Variants in EYS observed in about 807,000 individuals in gnomAD.
EYS encodes the protein EGF-like photoreceptor maintenance factor.
Under a neutral mutation model 282.1 loss-of-function variants are expected in EYS, and 250 were observed. The observed-to-expected ratio is 0.89, with a 90% CI of 0.80 to 0.98. EYS has a LOEUF of 0.98. EYS is among the 50% of genes least tolerant of loss of function. EYS has a pLI of 0.00. For synonymous variants in EYS, 1,355 were observed against 1,282.9 expected (o/e 1.06, Z -1.20); for missense variants, 4,016 against 3,709.0 (o/e 1.08, Z -2.15).
chr6:64,615,052 C>G (rs2149847397), intron 24 of EYS, among the ~76,000 whole-genome samples: 1 of 152,168 alleles, frequency 6.6e-6, no homozygotes, highest in East Asian at 1.9e-4. Flanking sequence ...TAGTCTCTTC[C>G]CATCTATTCT....
chr6:63,728,368 A>G lies in EYS; in HGVS notation c.8072-1688T>C, dbSNP rs146540791. Reference sequence around the variant, plus strand: ...ATCTTTGTGAAACTGATATTAGCATATTTTGCCTATCACTTCTTTTAAATA... The same window carrying G: ...ATCTTTGTGAAACTGATATTAGCATGTTTTGCCTATCACTTCTTTTAAATA... On this transcript the variant is annotated intron_variant, in intron 41 of 42. Transcript: ENST00000503581. 1.4e-4 allele frequency among the ~76,000 whole-genome samples: 21 copies of G among 152,264 alleles called. No homozygotes were observed. The East Asian group carries it at 3.3e-3, about 24-fold the overall frequency.
At chr6:64,316,596 C>T (rs994362732) in intron 29 of EYS, among the ~76,000 whole-genome samples, 1 of 152,092 alleles carries the variant, frequency 6.6e-6, no homozygotes, top group Non-Finnish European at 1.5e-5. Context: ...ATTCCATGCT[C>T]AAGGATAGGA....
intron 29 of EYS, among the ~76,000 whole-genome samples, chr6:64,372,537 A>G (rs1370176794): frequency 6.6e-6 from 1 of 151,504 alleles, no homozygotes; most frequent in Non-Finnish European, 1.5e-5. Context: ...CTTCTTGGGG[A>G]TGGTGTAGTA....
intron 12 of EYS, among the ~76,000 whole-genome samples, chr6:65,177,308 C>T (rs1159568507): frequency 4.0e-5 from 6 of 151,682 alleles, no homozygotes; most frequent in Non-Finnish European, 5.9e-5. Context: ...AAATAATTTG[C>T]GATTATTCAT....
intron 35 of EYS, among the ~76,000 whole-genome samples, chr6:63,980,989 C>A (rs571681682): frequency 4.3e-4 from 66 of 151,976 alleles, no homozygotes; most frequent in African/African-American, 1.5e-3. Context: ...CTCAGTAGCA[C>A]AGGGTTTCTC....
chr6:64,811,421 T>A (rs1206390812), intron 22 of EYS, among the ~76,000 whole-genome samples: 18 of 146,308 alleles, frequency 1.2e-4, no homozygotes, highest in South Asian at 4.3e-4. Flanking sequence ...CTTCATGCTG[T>A]AAAAAAAAAA....
intron 18 of EYS, among the ~76,000 whole-genome samples, chr6:64,898,979 G>A (rs1280768091): frequency 6.6e-6 from 1 of 151,880 alleles, no homozygotes; most frequent in African/African-American, 2.4e-5. Flanking sequence ...GATCTACAAA[G>A]AGACTTAGAC....
chr6:63,941,195 A>G (rs9359684), intron 35 of EYS, among the ~76,000 whole-genome samples: 47,863 of 151,986 alleles, frequency 0.31, 7,613 homozygotes, highest in Admixed American at 0.39. Flanking sequence ...TTGGGTATAT[A>G]CCCAGTAATG....
intron 11 of EYS, among the ~76,000 whole-genome samples, chr6:65,297,088 G>A (rs1166204394): frequency 6.6e-6 from 1 of 151,018 alleles, no homozygotes; most frequent in Non-Finnish European, 1.5e-5. Context: ...ATAGTTATAA[G>A]TTATTAATAT....
chr6:64,332,366 G>C (rs1037354422), intron 29 of EYS, among the ~76,000 whole-genome samples: 1 of 152,154 alleles, frequency 6.6e-6, no homozygotes, highest in African/African-American at 2.4e-5. Context: ...TAAATACAAG[G>C]GTGGGTAAGG....
intron 14 of EYS, among the ~76,000 whole-genome samples, chr6:64,989,799 T>TAC (rs3033931): frequency 0.025 from 3,464 of 140,102 alleles, 39 homozygotes; most frequent in African/African-American, 0.03. Flanking sequence ...TATATATTCA[T>TAC]ACACACACAC....
intron 26 of EYS, among the ~76,000 whole-genome samples, chr6:64,566,186 T>C (rs1370994439): frequency 6.6e-6 from 1 of 152,158 alleles, no homozygotes; most frequent in African/African-American, 2.4e-5. Flanking sequence ...GATGAGATAG[T>C]GGTTTAGTTT....
chr6:64,454,691 T>C (rs1421471258), intron 26 of EYS, among the ~76,000 whole-genome samples: 3 of 152,180 alleles, frequency 2.0e-5, no homozygotes, highest in African/African-American at 7.2e-5. Context: ...GGGGTTCTAC[T>C]GGATTTTTGT....
intron 22 of EYS, among the ~76,000 whole-genome samples, chr6:64,759,654 A>T (rs1271711805): frequency 6.6e-6 from 1 of 152,186 alleles, no homozygotes; most frequent in Non-Finnish European, 1.5e-5. Context: ...ATAAAAATAT[A>T]TTTAAAATCA....
intron 1 of EYS, among the ~76,000 whole-genome samples, chr6:65,693,803 T>C (rs1452438474): frequency 6.7e-6 from 1 of 149,962 alleles, no homozygotes; most frequent in African/African-American, 2.4e-5. Flanking sequence ...TCTTGTGAAA[T>C]AATGGCTCAT....
intron 33 of EYS, among the ~76,000 whole-genome samples, chr6:64,011,584 T>C (rs1211029276): frequency 6.7e-6 from 1 of 150,174 alleles, no homozygotes; most frequent in Non-Finnish European, 1.5e-5. Context: ...ATAAGTAAAG[T>C]AGTTTGTTTT....
At chr6:65,376,423 T>C (rs1048167927) in intron 8 of EYS, among the ~76,000 whole-genome samples, 1 of 152,054 alleles carries the variant, frequency 6.6e-6, no homozygotes, top group African/African-American at 2.4e-5. Flanking sequence ...TGCAAAAACA[T>C]ACTAAAATAT....
At chr6:65,533,608 T>C (rs1767862595) in intron 2 of EYS, among the ~76,000 whole-genome samples, 1 of 152,014 alleles carries the variant, frequency 6.6e-6, no homozygotes, top group Admixed American at 6.6e-5. Flanking sequence ...TTGGGGGAGA[T>C]GATTAGGTTA....
At chr6:64,829,813 T>C (rs965310869) in intron 19 of EYS, among the ~76,000 whole-genome samples, 1 of 151,990 alleles carries the variant, frequency 6.6e-6, no homozygotes, top group Non-Finnish European at 1.5e-5. Context: ...CGATGTGCCA[T>C]CCTTCTTTGT....
Sources: gnomAD v4.1 joint callset for allele counts (sites outside exome capture counted in the v4.1 genomes callset) on GRCh38, gnomAD v4.1.1 for gene constraint, MANE v1.5 for transcripts, NCBI Gene and HGNC (gene_info 2026-07-23, HGNC 2026-07-21) for gene names.